Variants in SGO2 observed in about 807,000 individuals in gnomAD.
The protein encoded by SGO2 is shugoshin-like 2.
SGO2 carries 68 observed loss-of-function variants against 99.5 expected under a neutral mutation model. The observed-to-expected ratio is 0.68, with a 90% CI of 0.56 to 0.84. SGO2 has a LOEUF of 0.84. Ranked by LOEUF, SGO2 falls within the 40% of genes least tolerant of loss-of-function variation. SGO2 has a pLI of 0.00. For missense variants in SGO2, 1,350 were observed against 1,436.7 expected, an observed-to-expected ratio of 0.94 and a Z score of 0.97; for synonymous variants, 457 against 487.1, an observed-to-expected ratio of 0.94 and a Z score of 0.81.
At chr2:200,581,977 TA>T (rs1367840981) in intron 8 of SGO2, among the ~76,000 whole-genome samples, 3 of 152,168 alleles carry the variant, frequency 2.0e-5, no homozygotes, top group Non-Finnish European at 4.4e-5. Context: ...CCTTTCCACC[TA>T]ATCTTGTATA....
At chr2:200,540,044 G>T (rs1265968365) in intron 4 of SGO2, among the ~76,000 whole-genome samples, 1 of 151,460 alleles carries the variant, frequency 6.6e-6, no homozygotes, top group African/African-American at 2.4e-5. Flanking sequence ...ACATTTTTCA[G>T]TTCTGAGCTC....
intron 3 of SGO2, among the ~76,000 whole-genome samples, chr2:200,535,843 T>A (rs1314837529): frequency 6.6e-6 from 1 of 152,064 alleles, no homozygotes; most frequent in Non-Finnish European, 1.5e-5. Context: ...TGTGTGTGTA[T>A]ACATGTATGT....
chr2:200,582,072 A>G (rs986055993), intron 8 of SGO2, among the ~76,000 whole-genome samples: 2 of 152,154 alleles, frequency 1.3e-5, no homozygotes, highest in African/African-American at 4.8e-5. Flanking sequence ...ACTAAACTCC[A>G]TAACTTGAAA....
chr2:200,532,290 T>G lies in SGO2; in HGVS notation c.-2-684T>G, dbSNP rs543175863. ...GTTTTTTGTTTTTTTTTTTGTTTTT[T>G]TTTTTTTTTCAGATCTCTTCAGATG... On this transcript the variant is annotated intron_variant, in intron 1 of 8. Transcript: ENST00000357799. 656 of 521,054 alleles carry G rather than the reference T, an allele frequency of 1.3e-3. 18 individuals carry two copies. Among genetic ancestry groups the G allele is most frequent in the African/African-American group, 0.01 (467 of 46,278 alleles). 32.3% of individuals were successfully genotyped at this position (521,054 alleles called of 1,614,324 possible).
chr2:200,561,763 A>T (rs2032982234), intron 5 of SGO2, among the ~76,000 whole-genome samples: 1 of 152,068 alleles, frequency 6.6e-6, no homozygotes, highest in Non-Finnish European at 1.5e-5. Context: ...AACTGGTGTG[A>T]GATGGTATCT....
At chr2:200,557,865 C>CTT (rs796257056) in intron 5 of SGO2, among the ~76,000 whole-genome samples, 92 of 130,146 alleles carry the variant, frequency 7.1e-4, no homozygotes, top group East Asian at 1.1e-3. Flanking sequence ...GCATTGGCTA[C>CTT]TTTTTTTTTT....
rs1559215881 is a variant in SGO2, at chr2:200,571,515, CAA to C, written c.1171_1172del (p.Asn391Ter). On this transcript the variant is annotated frameshift_variant, in exon 7 of 9. Transcript: ENST00000357799. LOFTEE classifies it high-confidence loss of function. ...ATTAAAAAGAAAAGTAATAAAAAAA[CAA>C]ATGAACATGGAATGAAAACTTTCAG... The C allele has an allele frequency of 6.2e-7, 1 of 1,611,130 alleles. No individual in the cohort carries two copies. Among genetic ancestry groups the C allele is most frequent in the Non-Finnish European group, 8.5e-7 (1 of 1,179,254 alleles).
intron 4 of SGO2, among the ~76,000 whole-genome samples, chr2:200,541,198 G>A (rs910206025): frequency 1.3e-5 from 2 of 152,194 alleles, no homozygotes; most frequent in African/African-American, 4.8e-5. Flanking sequence ...TTCAACATGA[G>A]TTTTGGAGGA....
intron 4 of SGO2, among the ~76,000 whole-genome samples, chr2:200,541,917 T>C (rs931686733): frequency 2.6e-5 from 4 of 152,242 alleles, no homozygotes; most frequent in African/African-American, 7.2e-5. Context: ...ATGCTAATAC[T>C]GTACTGTCTC....
chr2:200,556,253 A>G (rs2032712248), intron 5 of SGO2, among the ~76,000 whole-genome samples: 1 of 152,224 alleles, frequency 6.6e-6, no homozygotes, highest in Admixed American at 6.5e-5. Context: ...GGCATGAGCC[A>G]CCGTGCTAAG....
At chr2:200,568,906 C>G (rs1164340613) in intron 5 of SGO2, among the ~76,000 whole-genome samples, 2 of 138,800 alleles carry the variant, frequency 1.4e-5, no homozygotes, top group Non-Finnish European at 3.2e-5. Context: ...AGAACCTCTC[C>G]GTTTATTTTT....
intron 8 of SGO2, among the ~76,000 whole-genome samples, chr2:200,579,162 C>T (rs1350455218): frequency 6.6e-6 from 1 of 152,208 alleles, no homozygotes; most frequent in East Asian, 1.9e-4. Flanking sequence ...TATATATGGA[C>T]ATGTAACTGA....
Position 200,583,587 on chromosome 2 carries a change from A to G in SGO2, c.*123A>G, listed in dbSNP as rs2033906244. ...TTTTTTTTTGTTTCTTTGGCCTTTC[A>G]TGGAGTGTTGATTTGTCCATTCTTA... On this transcript the variant is annotated 3_prime_UTR_variant, in exon 9 of 9. Transcript: ENST00000357799. 2.6e-6 allele frequency: 2 copies of G among 779,378 alleles called. No homozygotes were observed. The highest frequency in any genetic ancestry group is 1.8e-5 in the African/African-American group (1 of 56,506). The allele number at this position is 779,378 out of a possible 1,614,324, so 48.3% of individuals were successfully genotyped here. A position where few individuals can be genotyped will look rare whatever the true frequency, so the allele number is the denominator to read the frequency against.
At chr2:200,540,838 C>T (rs1205224926) in intron 4 of SGO2, among the ~76,000 whole-genome samples, 8 of 152,176 alleles carry the variant, frequency 5.3e-5, no homozygotes, top group African/African-American at 1.7e-4. Flanking sequence ...AGTCTGTTTG[C>T]TGCTGCTATA....
chr2:200,542,878 T>C (rs1000518420), intron 5 of SGO2: 22 of 368,796 alleles, frequency 6.0e-5, no homozygotes, highest in African/African-American at 4.5e-4. Flanking sequence ...ATTTGTAATG[T>C]CTTGCTACTT....
At chr2:200,551,926 A>T (rs1350681527) in intron 5 of SGO2, among the ~76,000 whole-genome samples, 1 of 152,052 alleles carries the variant, frequency 6.6e-6, no homozygotes, top group Non-Finnish European at 1.5e-5. Context: ...TCTCCATTTT[A>T]TTTATTTTTA....
chr2:200,574,732 G>T (rs2033587153), intron 7 of SGO2, among the ~76,000 whole-genome samples: 1 of 152,010 alleles, frequency 6.6e-6, no homozygotes, highest in Admixed American at 6.6e-5. Context: ...AATCACCTGG[G>T]AGAACTTTAG....
chr2:200,569,538 A>T, intron 5 of SGO2, 125 bp from the exon 6 acceptor site: 1 of 693,346 alleles, frequency 1.4e-6, no homozygotes. Flanking sequence ...GTCTTCATTG[A>T]ACTTGAAAAA....
intron 5 of SGO2, among the ~76,000 whole-genome samples, chr2:200,562,486 A>G (rs1241050407): frequency 2.0e-5 from 3 of 152,176 alleles, no homozygotes; most frequent in Admixed American, 2.0e-4. Flanking sequence ...GAAGTCAGGT[A>G]GCGTGATGCC....
Sources: allele counts gnomAD v4.1 joint callset (sites outside exome capture counted in the v4.1 genomes callset), GRCh38; gene constraint gnomAD v4.1.1; transcripts MANE v1.5; gene names NCBI Gene and HGNC (gene_info 2026-07-23, HGNC 2026-07-21).